RAPGEF5: variants seen among roughly 807,000 people sequenced by gnomAD.
RAPGEF5 encodes Rap guanine nucleotide exchange factor 5.
A neutral mutation model predicts 125.2 loss-of-function variants in RAPGEF5; 65 were observed. The ratio of observed to expected loss-of-function variants is 0.52; its 90% CI spans 0.43 to 0.64. The LOEUF is 0.64. RAPGEF5 is among the 30% of genes least tolerant of loss of function. The probability of loss-of-function intolerance (pLI) is 0.00; values close to 1 mark genes in which losing one functional copy is unlikely to be tolerated. For synonymous variants in RAPGEF5, 391 were observed against 385.9 expected, an observed-to-expected ratio of 1.01 and a Z score of -0.16; for missense variants, 958 against 1,048.1, an observed-to-expected ratio of 0.91 and a Z score of 1.19.
At position 22,301,471 on chromosome 7, in the gene RAPGEF5, T is replaced by C. The variant is rs1038363183; in HGVS notation, c.680+6868A>G. 3.3e-5 allele frequency among the ~76,000 whole-genome samples: 5 copies of C among 151,750 alleles called. No individual in the cohort carries two copies. The East Asian group carries it at 5.8e-4, about 18-fold the overall frequency. ...TCTACTAAAAATACAAAAAATTAGC[T>C]GGGCGTGGTGGCGGGCGCCTGTAGT... On this transcript the variant is annotated intron_variant, in intron 5 of 25. Coordinates refer to ENST00000665637, the MANE Select transcript of RAPGEF5 (RefSeq NM_012294.5).
At chr7:22,240,894 C>T (rs1786314361) in intron 7 of RAPGEF5, among the ~76,000 whole-genome samples, 1 of 152,174 alleles carries the variant, frequency 6.6e-6, no homozygotes, top group Non-Finnish European at 1.5e-5. Flanking sequence ...AAAAGAAAAA[C>T]AACTCTGAGC....
intron 11 of RAPGEF5, chr7:22,191,618 CAT>C: frequency 4.2e-6 from 2 of 470,890 alleles, no homozygotes; most frequent in Middle Eastern, 3.2e-4. Context: ...AGAAGTGACA[CAT>C]GTGATCCCAG....
At chr7:22,289,926 G>A (rs1303655335) in intron 6 of RAPGEF5, among the ~76,000 whole-genome samples, 1 of 152,110 alleles carries the variant, frequency 6.6e-6, no homozygotes, top group Non-Finnish European at 1.5e-5. Flanking sequence ...AGACGTACCT[G>A]GTTCCCCTTC....
intron 11 of RAPGEF5, among the ~76,000 whole-genome samples, 185 bp from the exon 12 acceptor site, chr7:22,167,333 C>T (rs866862809): frequency 2.0e-5 from 3 of 152,126 alleles, no homozygotes; most frequent in South Asian, 2.1e-4. Flanking sequence ...TGAAAAACTC[C>T]TTATATCAAA....
intron 3 of RAPGEF5, among the ~76,000 whole-genome samples, chr7:22,312,610 G>A (rs1783499031): frequency 6.6e-6 from 1 of 152,084 alleles, no homozygotes; most frequent in African/African-American, 2.4e-5. Context: ...TCTGTTTTGG[G>A]GAGGCAGGGC....
At chr7:22,282,984 T>C (rs562948577) in intron 6 of RAPGEF5, among the ~76,000 whole-genome samples, 1 of 151,154 alleles carries the variant, frequency 6.6e-6, no homozygotes, top group South Asian at 2.1e-4. Flanking sequence ...AAATAAAAAG[T>C]ATAGAACACA....
At chr7:22,154,696 A>C in intron 16 of RAPGEF5, 92 bp from the exon 17 acceptor site, 1 of 1,409,018 alleles carries the variant, frequency 7.1e-7, no homozygotes, top group Admixed American at 2.1e-5. Flanking sequence ...CAACTTTTCT[A>C]AATCAACCCA....
At chr7:22,303,371 T>G (rs893309260) in intron 5 of RAPGEF5, among the ~76,000 whole-genome samples, 5 of 152,222 alleles carry the variant, frequency 3.3e-5, no homozygotes, top group African/African-American at 1.2e-4. Flanking sequence ...AAAAGTTATT[T>G]TGTATAAAAT....
chr7:22,343,053 A>T (rs1784158012), intron 1 of RAPGEF5, among the ~76,000 whole-genome samples: 5 of 152,182 alleles, frequency 3.3e-5, no homozygotes, highest in Admixed American at 3.3e-4. Context: ...CATACCCTGG[A>T]CTGGGCAATT....
At chr7:22,209,113 G>A (rs1292005172) in intron 9 of RAPGEF5, among the ~76,000 whole-genome samples, 1 of 152,202 alleles carries the variant, frequency 6.6e-6, no homozygotes, top group Non-Finnish European at 1.5e-5. Flanking sequence ...ACTGACAATT[G>A]AGATAAAGGT....
Position 22,171,893 on chromosome 7 carries a change from C to T in RAPGEF5, c.1205-4745G>A, listed in dbSNP as rs138159156. On this transcript the variant is annotated intron_variant, in intron 11 of 25. Transcript: ENST00000665637. ...ATTTTTGGGACTATCCTCCCCACTC[C>T]AAAATAAAATAATACTTTCGTAGTG... is the stretch of plus-strand genomic sequence containing the variant. 7.2e-4 allele frequency among the ~76,000 whole-genome samples: 109 copies of T among 152,256 alleles called. 1 individual carries two copies. The East Asian group carries it at 0.017, about 24-fold the overall frequency.
Position 22,162,416 on chromosome 7 carries a change from T to C in RAPGEF5, c.1409A>G (p.His470Arg), listed in dbSNP as rs750734116. The C allele has an allele frequency of 6.3e-7, 1 of 1,589,492 alleles. No individual in the cohort carries two copies. The highest frequency in any genetic ancestry group is 1.1e-5 in the South Asian group (1 of 90,042). ...LYKDWLPEDE[H>R]SKMFLKTIYR... is the part of the protein sequence containing the mutation. ...GATTACCTTTAAAAACATTTTTGAA[T>C]GTTCATCTTCAGGTAACCAGTCTTT... Residue 470 changes from histidine to arginine, a missense_variant, in exon 13 of 26, where the codon CAT (histidine) becomes CGT (arginine). Transcript: ENST00000665637.
chr7:22,175,018 T>G (rs1289666260), intron 11 of RAPGEF5, among the ~76,000 whole-genome samples: 1 of 152,140 alleles, frequency 6.6e-6, no homozygotes, highest in African/African-American at 2.4e-5. Context: ...GAGTGGGATA[T>G]TCATGTTTGG....
intron 6 of RAPGEF5, among the ~76,000 whole-genome samples, chr7:22,270,832 C>T (rs1782400095): frequency 6.6e-6 from 1 of 152,148 alleles, no homozygotes. Context: ...CCATGAAATG[C>T]ATTACTATTC....
chr7:22,178,837 C>T (rs544269587), intron 11 of RAPGEF5, among the ~76,000 whole-genome samples: 12 of 152,138 alleles, frequency 7.9e-5, no homozygotes, highest in South Asian at 2.1e-4. Flanking sequence ...CCTCCCCAGA[C>T]GTTGAGGGCT....
rs1644985115 is a variant in RAPGEF5, at chr7:22,356,945, C to G, written c.116G>C (p.Arg39Pro). 4 of 1,054,192 alleles carry G rather than the reference C, an allele frequency of 3.8e-6. No individual in the cohort carries two copies. The highest frequency in any genetic ancestry group is 4.6e-6 in the Non-Finnish European group (4 of 876,616). The allele number at this position is 1,054,192 out of a possible 1,614,324, so 65.3% of individuals were successfully genotyped here. A position where few individuals can be genotyped will look rare whatever the true frequency, so the allele number is the denominator to read the frequency against. The change falls in exon 1 of 26, where the codon CGG (arginine) becomes CCG (proline). Residue 39 changes from arginine to proline, a missense_variant. Coordinates refer to ENST00000665637, the MANE Select transcript of RAPGEF5 (RefSeq NM_012294.5). The stretch of plus-strand genomic sequence containing the variant: ...CGGCGGCTGCTCGCGCTCGGGCTCC[C>G]GGGCGCTGGGGCTGCGGCGCAGGGG... ...DGPLRRSPSAREPEREQPPAS... is the reference protein window; with the variant it reads ...DGPLRRSPSAPEPEREQPPAS...
rs1028708125 is a variant in RAPGEF5 at position 22,118,990 on chromosome 7, T to C, written c.*3416A>G. ...ATGTTTTTGAAACATTTAAAAGAAA[T>C]CCTGTGTTGGACCACTGCGGAAGAC... On this transcript the variant is annotated 3_prime_UTR_variant, in exon 26 of 26. Transcript: ENST00000665637. 7.8e-6 allele frequency: 1 copy of C among 128,502 alleles called. No individual in the cohort carries two copies. The allele number at this position is 128,502 out of a possible 1,614,324, so 8.0% of individuals were successfully genotyped here.
At chr7:22,330,958 C>T (rs992956817) in intron 1 of RAPGEF5, among the ~76,000 whole-genome samples, 3 of 152,184 alleles carry the variant, frequency 2.0e-5, no homozygotes, top group Non-Finnish European at 4.4e-5. Context: ...ATGATCCTCA[C>T]ATATAGGACG....
intron 7 of RAPGEF5, 104 bp from the exon 8 acceptor site, chr7:22,231,023 T>C (rs1583500668): frequency 1.9e-6 from 2 of 1,079,228 alleles, no homozygotes; most frequent in Non-Finnish European, 2.7e-6. Flanking sequence ...GTTAGATAGA[T>C]TCACAAAATG....
Sources: gnomAD v4.1 joint callset for allele counts (sites outside exome capture counted in the v4.1 genomes callset) on GRCh38, gnomAD v4.1.1 for gene constraint, MANE v1.5 for transcripts, NCBI Gene and HGNC (gene_info 2026-07-23, HGNC 2026-07-21) for gene names.